Variants in NINL observed in about 807,000 individuals in gnomAD.
The protein encoded by NINL is ninein like.
In NINL, 153 loss-of-function variants were observed where a neutral mutation model predicts 160.3. That is an observed-to-expected ratio of 0.95 (90% CI 0.84 to 1.09). The LOEUF (loss-of-function observed/expected upper bound fraction) is 1.09. Among genes scored for constraint, NINL ranks in the 50% least tolerant of loss-of-function variants. NINL has a pLI of 0.00. For synonymous variants in NINL, 800 were observed against 734.8 expected, an observed-to-expected ratio of 1.09 and a Z score of -1.43; for missense variants, 1,829 against 1,764.0, an observed-to-expected ratio of 1.04 and a Z score of -0.66.
intron 18 of NINL, among the ~76,000 whole-genome samples, chr20:25,469,657 C>T (rs111410093): frequency 1.9e-3 from 290 of 152,270 alleles, no homozygotes; most frequent in Middle Eastern, 0.01. Flanking sequence ...GTGGCCTCCC[C>T]CAACCCCTAA....
intron 12 of NINL, 61 bp downstream of exon 12, chr20:25,489,814 A>C (rs2146670359): frequency 8.7e-5 from 108 of 1,241,136 alleles, no homozygotes; most frequent in Non-Finnish European, 1.1e-4. Context: ...CACCCCCGCC[A>C]CCCCCACTCT....
chr20:25,560,759 C>G (rs982669720), intron 1 of NINL, among the ~76,000 whole-genome samples: 9 of 152,058 alleles, frequency 5.9e-5, no homozygotes, highest in African/African-American at 2.2e-4. Flanking sequence ...AACCTAAGAG[C>G]CCTACAACGA....
intron 1 of NINL, among the ~76,000 whole-genome samples, chr20:25,553,356 T>C (rs1367808006): frequency 6.6e-6 from 1 of 152,096 alleles, no homozygotes; most frequent in Admixed American, 6.6e-5. Context: ...AATGGCATTT[T>C]AAACAGAGCC....
intron 23 of NINL, among the ~76,000 whole-genome samples, chr20:25,454,311 G>A (rs1434766187): frequency 6.6e-6 from 1 of 152,226 alleles, no homozygotes; most frequent in Admixed American, 6.5e-5. Context: ...AGAGAAGCAG[G>A]GGAGGGAGCA....
At chr20:25,528,997 G>T (rs547267371) in intron 1 of NINL, among the ~76,000 whole-genome samples, 1 of 152,340 alleles carries the variant, frequency 6.6e-6, no homozygotes, top group East Asian at 1.9e-4. Context: ...ACAGGGTACG[G>T]AAGTTGGAGT....
intron 21 of NINL, among the ~76,000 whole-genome samples, chr20:25,461,183 C>T (rs903477842): frequency 6.6e-6 from 1 of 152,224 alleles, no homozygotes; most frequent in Non-Finnish European, 1.5e-5. Flanking sequence ...TGTCACCCCA[C>T]TCCCAGGGCT....
At chr20:25,501,517 A>G (rs1032933807) in intron 7 of NINL, among the ~76,000 whole-genome samples, 1 of 152,194 alleles carries the variant, frequency 6.6e-6, no homozygotes, top group Non-Finnish European at 1.5e-5. Flanking sequence ...AGAATGCAGC[A>G]TGAGTGGCTC....
chr20:25,494,823 A>T (rs1325931262), intron 10 of NINL, among the ~76,000 whole-genome samples: 1 of 152,144 alleles, frequency 6.6e-6, no homozygotes, highest in Non-Finnish European at 1.5e-5. Flanking sequence ...CCTGAAGGAG[A>T]GTGGCTGGGC....
In NINL at chr20:25,491,336, TG is replaced by T; in HGVS notation, c.1485+14del. The stretch of plus-strand genomic sequence containing the variant: ...CACCCCCCCAGCTTCCTGGATGCCC[TG>T]GGGATGCCCCTACCTTCAGGGCCAG... On this transcript the variant is annotated intron_variant, in intron 11 of 23. Transcript: ENST00000278886. The T allele has an allele frequency of 1.3e-6, 2 of 1,595,250 alleles. No individual in the cohort carries two copies.
intron 14 of NINL, among the ~76,000 whole-genome samples, chr20:25,481,674 A>T (rs2063391280): frequency 6.6e-6 from 1 of 152,232 alleles, no homozygotes; most frequent in Non-Finnish European, 1.5e-5. Context: ...TCTCAGTCTC[A>T]GCAAGTACCG....
intron 1 of NINL, among the ~76,000 whole-genome samples, chr20:25,566,372 A>C (rs1243357512): frequency 6.6e-6 from 1 of 152,120 alleles, no homozygotes; most frequent in Non-Finnish European, 1.5e-5. Context: ...CAATCAATAC[A>C]TCATGTCCAG....
In NINL at chr20:25,526,499, T is replaced by C; in HGVS notation, c.89A>G (p.Gln30Arg). The C allele has an allele frequency of 6.2e-7, 1 of 1,614,250 alleles. No homozygotes were observed. Among genetic ancestry groups the C allele is most frequent in the South Asian group, 1.1e-5 (1 of 91,086 alleles). The stretch of plus-strand genomic sequence containing the variant: ...CTTAAGGCAGAGCTGGGTCAGCTCC[T>C]GGCGGTCCAGAAAGCCAGTCCCCGT... ...DTTGTGFLDR[Q>R]ELTQLCLKLH... Residue 30 changes from glutamine (Q) to arginine (R), a missense_variant, in exon 2 of 24, where the codon CAG (glutamine) becomes CGG (arginine). Coordinates refer to ENST00000278886, the MANE Select transcript of NINL (RefSeq NM_025176.6).
intron 17 of NINL, among the ~76,000 whole-genome samples, chr20:25,474,673 G>C (rs1211798805): frequency 6.6e-6 from 1 of 151,818 alleles, no homozygotes; most frequent in African/African-American, 2.4e-5. Flanking sequence ...TGCAGTGAGT[G>C]GTGTGATCTC....
chr20:25,463,194 A>G (rs1409849411), intron 19 of NINL, among the ~76,000 whole-genome samples: 1 of 152,092 alleles, frequency 6.6e-6, no homozygotes, highest in Non-Finnish European at 1.5e-5. Flanking sequence ...TAGGAAAAAC[A>G]CACACACATC....
intron 21 of NINL, among the ~76,000 whole-genome samples, chr20:25,459,799 G>A (rs1028014087): frequency 2.6e-5 from 4 of 152,162 alleles, no homozygotes; most frequent in African/African-American, 9.7e-5. Flanking sequence ...AACATCTACT[G>A]AATGGAGAGC....
intron 8 of NINL, chr20:25,498,923 C>A (rs972313011): frequency 1.1e-5 from 11 of 985,424 alleles, no homozygotes; most frequent in Non-Finnish European, 1.3e-5. Context: ...TTTACTGAAA[C>A]AACAAAAAAT....
chr20:25,508,550 G>A (rs1473486822), intron 5 of NINL, among the ~76,000 whole-genome samples: 1 of 152,216 alleles, frequency 6.6e-6, no homozygotes, highest in African/African-American at 2.4e-5. Context: ...CACTGACCCT[G>A]CCCACACCTC....
rs1203568151 is a variant in NINL, at chr20:25,508,921, CT to C, written c.517+1752del. ...CTTTCCTGAAGCACATGACACCCCC[CT>C]GTTCTAACTTTGCCCCTCTTTGCCT... On this transcript the variant is annotated intron_variant, in intron 5 of 23. Coordinates refer to ENST00000278886, the MANE Select transcript of NINL (RefSeq NM_025176.6). Among the ~76,000 whole-genome samples the C allele has an allele frequency of 2.0e-5, 3 of 152,230 alleles. No homozygotes were observed. The East Asian group carries it at 5.8e-4, about 29-fold the overall frequency.
At chr20:25,496,320 T>G (rs963886453) in intron 10 of NINL, among the ~76,000 whole-genome samples, 3 of 152,180 alleles carry the variant, frequency 2.0e-5, no homozygotes, top group African/African-American at 7.2e-5. Context: ...TGCCAGTCCT[T>G]GCAACATAGC....
Sources: gnomAD v4.1 joint callset for allele counts (sites outside exome capture counted in the v4.1 genomes callset) on GRCh38, gnomAD v4.1.1 for gene constraint, MANE v1.5 for transcripts, NCBI Gene and HGNC (gene_info 2026-07-23, HGNC 2026-07-21) for gene names.